Variants in NRCAM observed in about 807,000 individuals in gnomAD.
The protein encoded by NRCAM is NgCAM-related cell adhesion molecule.
NRCAM carries 83 observed loss-of-function variants against 156.5 expected under a neutral mutation model. The observed-to-expected ratio is 0.53, with a 90% CI of 0.44 to 0.64. The LOEUF is 0.64. Among genes scored for constraint, NRCAM ranks in the 30% least tolerant of loss-of-function variants. The probability of loss-of-function intolerance (pLI) is 0.00; values close to 1 mark genes in which losing one functional copy is unlikely to be tolerated. For missense variants in NRCAM, 1,417 were observed against 1,597.3 expected (o/e 0.89, Z 1.92); for synonymous variants, 538 against 563.9 (o/e 0.95, Z 0.65).
intron 13 of NRCAM, among the ~76,000 whole-genome samples, chr7:108,204,805 G>T (rs935758713): frequency 2.6e-5 from 4 of 152,166 alleles, no homozygotes; most frequent in Admixed American, 2.6e-4. Context: ...GAGATGAGCT[G>T]ATCTGATTTG....
chr7:108,181,271 C>A (rs989820567), intron 24 of NRCAM, among the ~76,000 whole-genome samples: 2 of 151,452 alleles, frequency 1.3e-5, no homozygotes, highest in Non-Finnish European at 2.9e-5. Flanking sequence ...AAAGTAGTGA[C>A]TGTACGCTTG....
At chr7:108,253,641 G>C (rs148043232) in intron 3 of NRCAM, among the ~76,000 whole-genome samples, 2 of 152,226 alleles carry the variant, frequency 1.3e-5, no homozygotes, top group Admixed American at 6.5e-5. Context: ...GTGAGTTAAA[G>C]AACTTTTCTT....
intron 2 of NRCAM, among the ~76,000 whole-genome samples, chr7:108,347,030 C>CTTTTT (rs1563365643): frequency 3.4e-5 from 3 of 88,044 alleles, no homozygotes; most frequent in Admixed American, 1.4e-4. Context: ...TATTATATTT[C>CTTTTT]TGTTTTTTTT....
At chr7:108,343,408 G>C (rs975244388) in intron 2 of NRCAM, among the ~76,000 whole-genome samples, 2 of 152,146 alleles carry the variant, frequency 1.3e-5, no homozygotes, top group Admixed American at 1.3e-4. Flanking sequence ...AGAGGTGGCA[G>C]TCTTACACTG....
intron 1 of NRCAM, among the ~76,000 whole-genome samples, chr7:108,455,740 G>A (rs970195792): frequency 3.3e-5 from 5 of 152,198 alleles, no homozygotes; most frequent in Non-Finnish European, 7.4e-5. Flanking sequence ...GGCCCGAACA[G>A]GCACACGCCC....
chr7:108,252,651 AT>A (rs1328609249), intron 3 of NRCAM, among the ~76,000 whole-genome samples: 1 of 74,130 alleles, frequency 1.3e-5, no homozygotes, highest in African/African-American at 8.9e-5. Flanking sequence ...TAGGAGATAG[AT>A]AAATCTCAGT....
intron 10 of NRCAM, 31 bp from the exon 11 acceptor site, chr7:108,223,867 A>G (rs1273208362): frequency 1.0e-6 from 1 of 993,386 alleles, no homozygotes; most frequent in Non-Finnish European, 1.6e-6. Context: ...ATGCATTACA[A>G]CTTATAAATA....
intron 3 of NRCAM, among the ~76,000 whole-genome samples, chr7:108,267,002 C>A (rs953969511): frequency 2.6e-5 from 4 of 152,164 alleles, no homozygotes; most frequent in Non-Finnish European, 5.9e-5. Context: ...ATAGCAGTAG[C>A]CAGAGTATCA....
At chr7:108,221,439 G>A (rs960546367) in intron 11 of NRCAM, among the ~76,000 whole-genome samples, 4 of 152,130 alleles carry the variant, frequency 2.6e-5, no homozygotes, top group Admixed American at 6.5e-5. Flanking sequence ...CAAAATCAGG[G>A]AACCAACCCA....
At chr7:108,204,941 AC>A (rs2080304304) in intron 13 of NRCAM, among the ~76,000 whole-genome samples, 1 of 152,144 alleles carries the variant, frequency 6.6e-6, no homozygotes, top group South Asian at 2.1e-4. Flanking sequence ...GATTCTCCCC[AC>A]AAAAATGTAA....
At chr7:108,351,206 G>A (rs896572172) in intron 2 of NRCAM, among the ~76,000 whole-genome samples, 7 of 152,134 alleles carry the variant, frequency 4.6e-5, no homozygotes, top group Non-Finnish European at 2.9e-5. Context: ...CCTCTCTCTT[G>A]CCCTTCTGCC....
rs572393679 is a variant in NRCAM, at chr7:108,398,761, A to G, written c.-174+675T>C. Among the ~76,000 whole-genome samples, 12 of 152,192 alleles carry G rather than the reference A, an allele frequency of 7.9e-5. No homozygotes were observed. In the South Asian group the frequency reaches 1.0e-3, roughly 13 times the overall value. On this transcript the variant is annotated intron_variant, in intron 2 of 32. Coordinates refer to ENST00000379028, the MANE Select transcript of NRCAM (RefSeq NM_001037132.4). ...TTTTCCATTCCTTAATGCACCCTCA[A>G]TATACTTTTATCATATAGAAGTTGG...
At chr7:108,399,166 TGTG>T (rs1364477363) in intron 2 of NRCAM, among the ~76,000 whole-genome samples, 1 of 131,414 alleles carries the variant, frequency 7.6e-6, no homozygotes, top group Non-Finnish European at 1.6e-5. Flanking sequence ...AAGGGGTGTG[TGTG>T]TTTGTGTGTG....
chr7:108,397,220 G>C (rs918031273), intron 2 of NRCAM, among the ~76,000 whole-genome samples: 1 of 152,132 alleles, frequency 6.6e-6, no homozygotes, highest in African/African-American at 2.4e-5. Flanking sequence ...TATTTTTCTT[G>C]TGTATGAAAA....
intron 1 of NRCAM, among the ~76,000 whole-genome samples, chr7:108,416,083 C>T (rs1801191901): frequency 6.6e-6 from 1 of 152,194 alleles, no homozygotes; most frequent in African/African-American, 2.4e-5. Flanking sequence ...TCTTCCAGTC[C>T]AGAAGAGTGA....
intron 2 of NRCAM, among the ~76,000 whole-genome samples, chr7:108,361,025 A>G: frequency 6.6e-6 from 1 of 152,224 alleles, no homozygotes; most frequent in South Asian, 2.1e-4. Context: ...TCATCATGAA[A>G]GTGAAAAGAC....
At chr7:108,394,813 T>A (rs1325889528) in intron 2 of NRCAM, among the ~76,000 whole-genome samples, 1 of 152,224 alleles carries the variant, frequency 6.6e-6, no homozygotes, top group Non-Finnish European at 1.5e-5. Context: ...ATCCTCAATC[T>A]TTCCTCATAG....
chr7:108,262,321 G>GGTGT (rs145547854), intron 3 of NRCAM, among the ~76,000 whole-genome samples: 1 of 151,440 alleles, frequency 6.6e-6, no homozygotes, highest in African/African-American at 2.4e-5. Flanking sequence ...ACAGTGATGT[G>GGTGT]GTGTGTGTGT....
At chr7:108,317,499 G>A (rs2098941691) in intron 2 of NRCAM, among the ~76,000 whole-genome samples, 1 of 152,088 alleles carries the variant, frequency 6.6e-6, no homozygotes, top group Non-Finnish European at 1.5e-5. Context: ...ATATATGAAG[G>A]TTCCAAAAAT....
Sources: gnomAD v4.1 joint callset for allele counts (sites outside exome capture counted in the v4.1 genomes callset) on GRCh38, gnomAD v4.1.1 for gene constraint, MANE v1.5 for transcripts, NCBI Gene and HGNC (gene_info 2026-07-23, HGNC 2026-07-21) for gene names.